The following HMCN1 variants were observed in gnomAD, a reference collection of about 807,000 sequenced individuals.
The protein encoded by HMCN1 is hemicentin-1.
In HMCN1, 321 loss-of-function variants were observed where a neutral mutation model predicts 625.9. The observed-to-expected ratio is 0.51, with a 90% CI of 0.47 to 0.56. The LOEUF (loss-of-function observed/expected upper bound fraction) is 0.56, where lower values mean the gene tolerates loss of function less well. Among genes scored for constraint, HMCN1 ranks in the 20% least tolerant of loss-of-function variants. The pLI, the probability that HMCN1 is intolerant of heterozygous loss-of-function variation, is 0.00. For synonymous variants in HMCN1, 2,425 were observed against 2,417.6 expected, an observed-to-expected ratio of 1.00 and a Z score of -0.09; for missense variants, 6,588 against 6,887.3, an observed-to-expected ratio of 0.96 and a Z score of 1.54.
At chr1:186,175,876 CAAA>C (rs758445916) in intron 103 of HMCN1, among the ~76,000 whole-genome samples, 1 of 76,196 alleles carries the variant, frequency 1.3e-5, no homozygotes, top group Admixed American at 1.5e-4. Context: ...AACTATGTCT[CAAA>C]AAAAAAAAAA....
At chr1:186,047,153 G>A (rs1481976924) in intron 41 of HMCN1, among the ~76,000 whole-genome samples, 1 of 152,118 alleles carries the variant, frequency 6.6e-6, no homozygotes, top group African/African-American at 2.4e-5. Context: ...TACGGGCAAA[G>A]GATGGAGATC....
chr1:185,948,563 G>A (rs1232712146), intron 11 of HMCN1, among the ~76,000 whole-genome samples: 1 of 151,392 alleles, frequency 6.6e-6, no homozygotes, highest in Non-Finnish European at 1.5e-5. Flanking sequence ...ATCACTTAAG[G>A]CAAGGACCGG....
At position 186,103,477 on chromosome 1, in the gene HMCN1, C is replaced by T; in HGVS notation, c.10579C>T (p.Pro3527Ser). Residue 3527 changes from proline (P) to serine (S), a missense_variant, in exon 69 of 107, where the codon CCT (proline) becomes TCT (serine). This residue lies in a region of HMCN1 where 4,628 missense variants were observed against 4,853.1 expected (regional missense o/e 0.95). Coordinates refer to ENST00000271588, the MANE Select transcript of HMCN1 (RefSeq NM_031935.3). ...KHFILKVLEP[P>S]HINGSEEHEE... is the part of the protein sequence containing the mutation. ...TTTTGATTCCCTTTAAATAGAACCA[C>T]CTCACATTAATGGATCTGAAGAACA... is the stretch of plus-strand genomic sequence containing the variant. 1.2e-6 allele frequency: 2 copies of T among 1,611,772 alleles called. No homozygotes were observed. The highest frequency in any genetic ancestry group is 1.3e-5 in the African/African-American group (1 of 74,956).
intron 36 of HMCN1, among the ~76,000 whole-genome samples, chr1:186,026,196 G>A (rs2102177425): frequency 6.6e-6 from 1 of 152,306 alleles, no homozygotes; most frequent in Admixed American, 6.5e-5. Flanking sequence ...GTTAAAAAAT[G>A]TAGGAATTTC....
intron 97 of HMCN1, among the ~76,000 whole-genome samples, chr1:186,156,592 G>A (rs1453813168): frequency 1.3e-5 from 2 of 152,170 alleles, no homozygotes; most frequent in East Asian, 1.9e-4. Context: ...AAGGCACTGT[G>A]TCTCCAATAG....
intron 97 of HMCN1, among the ~76,000 whole-genome samples, chr1:186,162,949 G>A (rs1345999482): frequency 7.2e-5 from 11 of 152,220 alleles, no homozygotes; most frequent in Non-Finnish European, 1.3e-4. Flanking sequence ...CTGTCAGACA[G>A]GGACATTTAA....
chr1:185,757,217 C>G (rs947944879), intron 1 of HMCN1, among the ~76,000 whole-genome samples: 2 of 152,188 alleles, frequency 1.3e-5, no homozygotes, highest in Non-Finnish European at 2.9e-5. Context: ...AAATAATCCA[C>G]CCACCTCGGC....
In HMCN1 at chr1:186,094,309, G is replaced by A. The variant is rs747892157; in HGVS notation, c.10230G>A (p.Val3410=). 3.1e-6 allele frequency: 5 copies of A among 1,613,238 alleles called. No individual in the cohort carries two copies. The highest frequency in any genetic ancestry group is 2.2e-5 in the East Asian group (1 of 44,838). ...GAGCTCAGGTGTCTGATGTCGCTGT[G>A]TATACTTGTGTGGCCTCCAACAGAG... ...IVRAQVSDVA[V]YTCVASNRAG... Residue 3410 remains valine (V), a synonymous_variant, in exon 67 of 107, where the codon GTG becomes GTA. Transcript: ENST00000271588.
chr1:185,845,186 G>A (rs1236663548), intron 1 of HMCN1, among the ~76,000 whole-genome samples: 6 of 152,130 alleles, frequency 3.9e-5, no homozygotes, highest in African/African-American at 1.4e-4. Flanking sequence ...CACTGTTAAT[G>A]TCCTTGCAAC....
chr1:186,179,712 C>G (rs942430828), intron 104 of HMCN1, among the ~76,000 whole-genome samples: 2 of 152,196 alleles, frequency 1.3e-5, no homozygotes, highest in Non-Finnish European at 2.9e-5. Flanking sequence ...ACTCTCTTAA[C>G]TATGCTTTTT....
At chr1:185,891,746 T>C (rs1665102164) in intron 4 of HMCN1, among the ~76,000 whole-genome samples, 1 of 148,170 alleles carries the variant, frequency 6.7e-6, no homozygotes, top group Non-Finnish European at 1.5e-5. Context: ...CCTTAACATT[T>C]TTTCCTTCAT....
chr1:186,002,334 T>C (rs1653253933), intron 28 of HMCN1, among the ~76,000 whole-genome samples: 1 of 152,144 alleles, frequency 6.6e-6, no homozygotes, highest in Non-Finnish European at 1.5e-5. Flanking sequence ...AAATTCACTT[T>C]GTGATAAAAT....
At chr1:185,873,053 T>C (rs1182819992) in intron 4 of HMCN1, among the ~76,000 whole-genome samples, 1 of 152,178 alleles carries the variant, frequency 6.6e-6, no homozygotes, top group Admixed American at 6.5e-5. Context: ...AAAGAAATGT[T>C]ACTTAAGGGT....
rs1653648434 is a variant in HMCN1 at position 186,190,388 on chromosome 1, A to C, written c.*510A>C. The C allele has an allele frequency of 5.0e-6, 1 of 198,998 alleles. No individual in the cohort carries two copies. Among genetic ancestry groups the C allele is most frequent in the Non-Finnish European group, 1.0e-5 (1 of 96,216 alleles). 12.3% of individuals were successfully genotyped at this position (198,998 alleles called of 1,614,324 possible). A position where few individuals can be genotyped will look rare whatever the true frequency, so the allele number is the denominator to read the frequency against. ...ATAGGACTTGCCTATTTTCATTTTT[A>C]AGAAGAAAAACACCACTCATTTTAT... On this transcript the variant is annotated 3_prime_UTR_variant, in exon 107 of 107. Coordinates refer to ENST00000271588, the MANE Select transcript of HMCN1 (RefSeq NM_031935.3).
chr1:185,881,591 T>G (rs1664315214), intron 4 of HMCN1, among the ~76,000 whole-genome samples: 1 of 152,190 alleles, frequency 6.6e-6, no homozygotes, highest in African/African-American at 2.4e-5. Context: ...CACTTTGGGC[T>G]GTGGTTTCAG....
At chr1:185,919,245 G>T (rs975659156) in intron 6 of HMCN1, among the ~76,000 whole-genome samples, 1 of 151,966 alleles carries the variant, frequency 6.6e-6, no homozygotes, top group Non-Finnish European at 1.5e-5. Flanking sequence ...GGTGTCATTT[G>T]GTTCTCCTCT....
chr1:185,800,237 G>T (rs542014960), intron 1 of HMCN1, among the ~76,000 whole-genome samples: 1 of 152,180 alleles, frequency 6.6e-6, no homozygotes, highest in Non-Finnish European at 1.5e-5. Flanking sequence ...AGCCAAGCAG[G>T]CTGCATTGCT....
At chr1:186,160,550 G>A (rs1192244998) in intron 97 of HMCN1, among the ~76,000 whole-genome samples, 1 of 151,506 alleles carries the variant, frequency 6.6e-6, no homozygotes, top group East Asian at 1.9e-4. Context: ...TTTCTCTTGT[G>A]GGCATTTAGT....
chr1:186,029,620 T>G (rs1010771624), intron 36 of HMCN1, among the ~76,000 whole-genome samples: 1 of 151,946 alleles, frequency 6.6e-6, no homozygotes, highest in Non-Finnish European at 1.5e-5. Context: ...TTCTCGCTTT[T>G]GTTTATCTTA....
Sources: gnomAD v4.1 joint callset for allele counts (sites outside exome capture counted in the v4.1 genomes callset) on GRCh38, gnomAD v4.1.1 for gene constraint, gnomAD v4.1.1 regional missense constraint, MANE v1.5 for transcripts, NCBI Gene and HGNC (gene_info 2026-07-23, HGNC 2026-07-21) for gene names.